TTC28: variants seen among roughly 807,000 people sequenced by gnomAD.
TTC28 encodes tetratricopeptide repeat protein 28.
A neutral mutation model predicts 198.0 loss-of-function variants in TTC28; 61 were observed. The ratio of observed to expected loss-of-function variants is 0.31; its 90% CI spans 0.25 to 0.38. TTC28 has a LOEUF of 0.38. Ranked by LOEUF, TTC28 falls within the 10% of genes least tolerant of loss-of-function variation. The pLI, the probability that TTC28 is intolerant of heterozygous loss-of-function variation, is 1.00. For synonymous variants in TTC28, 1,171 were observed against 1,297.8 expected (o/e 0.90, Z 2.10); for missense variants, 2,678 against 3,164.0 (o/e 0.85, Z 3.69).
intron 5 of TTC28, among the ~76,000 whole-genome samples, chr22:28,272,318 T>C (rs1932141227): frequency 6.6e-6 from 1 of 152,214 alleles, no homozygotes; most frequent in Non-Finnish European, 1.5e-5. Flanking sequence ...ACATGGTTTA[T>C]GACCTCGGGA....
intron 5 of TTC28, among the ~76,000 whole-genome samples, chr22:28,251,457 A>C (rs1930501856): frequency 6.6e-6 from 1 of 152,186 alleles, no homozygotes; most frequent in South Asian, 2.1e-4. Context: ...CTGGCCCTTT[A>C]CAGAAGAAGT....
intron 2 of TTC28, among the ~76,000 whole-genome samples, chr22:28,598,509 CAAAAAAAAAAAA>C (rs36035176): frequency 9.5e-5 from 5 of 52,682 alleles, no homozygotes; most frequent in East Asian, 6.3e-4. Context: ...ACTACGTCTC[CAAAAAAAAAAAA>C]AAAAAAAAAA....
intron 12 of TTC28, among the ~76,000 whole-genome samples, chr22:28,032,175 T>TATATAAA (rs1939119307): frequency 2.5e-5 from 2 of 79,092 alleles, no homozygotes; most frequent in Admixed American, 1.7e-4. Context: ...TGTGTATATA[T>TATATAAA]ATATATATAT....
At chr22:28,523,747 T>A (rs1250252214) in intron 2 of TTC28, among the ~76,000 whole-genome samples, 3 of 152,144 alleles carry the variant, frequency 2.0e-5, no homozygotes, top group Non-Finnish European at 4.4e-5. Context: ...GACTCCAGAA[T>A]CTAAATAGCT....
chr22:28,349,704 G>A (rs995465724), intron 2 of TTC28, among the ~76,000 whole-genome samples: 2 of 152,152 alleles, frequency 1.3e-5, no homozygotes, highest in Non-Finnish European at 1.5e-5. Context: ...GATACAATGA[G>A]ACTGAATAAA....
At chr22:28,590,286 C>T (rs993676756) in intron 2 of TTC28, among the ~76,000 whole-genome samples, 1 of 151,694 alleles carries the variant, frequency 6.6e-6, no homozygotes, top group African/African-American at 2.4e-5. Context: ...CACCACCACA[C>T]CCAGATAATT....
intron 1 of TTC28, among the ~76,000 whole-genome samples, chr22:28,675,663 A>G (rs947062866): frequency 4.6e-5 from 7 of 151,562 alleles, no homozygotes; most frequent in Non-Finnish European, 8.8e-5. Flanking sequence ...AACTGAGCCC[A>G]GGGAGGTCCA....
chr22:28,293,632 T>A (rs577705629), intron 5 of TTC28, among the ~76,000 whole-genome samples: 1 of 151,884 alleles, frequency 6.6e-6, no homozygotes, highest in African/African-American at 2.4e-5. Flanking sequence ...GTTCCCCCCC[T>A]CCAACAGAAA....
At chr22:28,457,677 C>T (rs1487847239) in intron 2 of TTC28, among the ~76,000 whole-genome samples, 1 of 152,144 alleles carries the variant, frequency 6.6e-6, no homozygotes, top group Non-Finnish European at 1.5e-5. Context: ...TAGTACCATA[C>T]TGTTTTAATT....
At chr22:28,465,180 A>G (rs541898803) in intron 2 of TTC28, among the ~76,000 whole-genome samples, 1 of 152,340 alleles carries the variant, frequency 6.6e-6, no homozygotes, top group Admixed American at 6.5e-5. Context: ...CTAAAACACA[A>G]TCAGGATAAA....
intron 12 of TTC28, among the ~76,000 whole-genome samples, chr22:28,078,717 A>G (rs1264197533): frequency 1.3e-5 from 2 of 152,162 alleles, no homozygotes; most frequent in African/African-American, 4.8e-5. Context: ...TTGCAGAACT[A>G]GTCAGTTGTT....
chr22:28,289,486 A>C (rs1032714060), intron 5 of TTC28, among the ~76,000 whole-genome samples: 1 of 152,194 alleles, frequency 6.6e-6, no homozygotes, highest in Non-Finnish European at 1.5e-5. Context: ...GAATAAAAAA[A>C]TCCTGTGGAG....
At chr22:28,200,305 C>A (rs990382943) in intron 5 of TTC28, among the ~76,000 whole-genome samples, 3 of 152,090 alleles carry the variant, frequency 2.0e-5, no homozygotes, top group South Asian at 4.2e-4. Context: ...AATACAAATT[C>A]TCAACAGTGC....
intron 5 of TTC28, among the ~76,000 whole-genome samples, chr22:28,175,634 GAAACAA>G (rs1423251461): frequency 6.6e-6 from 1 of 152,100 alleles, no homozygotes; most frequent in African/African-American, 2.4e-5. Context: ...TCAGGAGGCC[GAAACAA>G]GAGAATCGCT....
intron 2 of TTC28, among the ~76,000 whole-genome samples, chr22:28,507,816 T>C (rs144206919): frequency 2.2e-4 from 33 of 152,156 alleles, no homozygotes; most frequent in African/African-American, 6.8e-4. Flanking sequence ...CTAAGCTTCA[T>C]AAGTGAAGGA....
At chr22:28,296,142 G>A (rs2044890058) in intron 5 of TTC28, 56 bp downstream of exon 5, 4 of 1,497,440 alleles carry the variant, frequency 2.7e-6, no homozygotes, top group South Asian at 1.3e-5. Context: ...AGAAAATAGA[G>A]CTCCACATTT....
At chr22:28,158,045 A>G (rs1469196332) in intron 6 of TTC28, among the ~76,000 whole-genome samples, 2 of 152,146 alleles carry the variant, frequency 1.3e-5, no homozygotes, top group Non-Finnish European at 2.9e-5. Context: ...AAAAACCACT[A>G]GAACTGATAA....
chr22:28,149,672 A>T (rs533335464), intron 6 of TTC28, among the ~76,000 whole-genome samples: 3 of 152,294 alleles, frequency 2.0e-5, no homozygotes, highest in South Asian at 2.1e-4. Flanking sequence ...AGGGGCTATA[A>T]CACACATGGA....
intron 5 of TTC28, among the ~76,000 whole-genome samples, chr22:28,187,482 C>T (rs772751117): frequency 5.9e-5 from 9 of 151,358 alleles, no homozygotes; most frequent in Non-Finnish European, 1.0e-4. Context: ...TACACAACCA[C>T]TATATACTAT....
Sources: gnomAD v4.1 joint callset for allele counts (sites outside exome capture counted in the v4.1 genomes callset) on GRCh38, gnomAD v4.1.1 for gene constraint, MANE v1.5 for transcripts, NCBI Gene and HGNC (gene_info 2026-07-23, HGNC 2026-07-21) for gene names.